The following PRRC2B variants were observed in gnomAD, a reference collection of about 807,000 sequenced individuals.
PRRC2B encodes proline rich coiled-coil 2B.
Under a neutral mutation model 242.3 loss-of-function variants are expected in PRRC2B, and 68 were observed. The ratio of observed to expected loss-of-function variants is 0.28; its 90% CI spans 0.23 to 0.34. The LOEUF (loss-of-function observed/expected upper bound fraction) is 0.34, where lower values mean the gene tolerates loss of function less well. Among genes scored for constraint, PRRC2B ranks in the 10% least tolerant of loss-of-function variants. The pLI is 1.00. For missense variants in PRRC2B, 2,835 were observed against 2,954.8 expected, an observed-to-expected ratio of 0.96 and a Z score of 0.94; for synonymous variants, 1,228 against 1,173.6, an observed-to-expected ratio of 1.05 and a Z score of -0.95.
At position 131,470,968 on chromosome 9, in the gene PRRC2B, G is replaced by A. The variant is rs200867297; in HGVS notation, c.2092G>A (p.Ala698Thr). The A allele has an allele frequency of 2.3e-5, 37 of 1,610,366 alleles. No individual in the cohort carries two copies. The highest frequency in any genetic ancestry group is 2.9e-5 in the Non-Finnish European group (34 of 1,178,102). Reference sequence around the variant, plus strand: ...GACCCCGGTGGACTTCTACCCCTCCGCCCTGCATCCCTCAGGTAAGCACTG... The same window carrying A: ...GACCCCGGTGGACTTCTACCCCTCCACCCTGCATCCCTCAGGTAAGCACTG... ...TRTPVDFYPS[A>T]LHPSGLMKPM... The change falls in exon 14 of 32, where the codon GCC (alanine) becomes ACC (threonine). Residue 698 changes from alanine (A) to threonine (T), a missense_variant. By Grantham distance (58) the Ala-to-Thr change is moderately conservative. Transcript: ENST00000683519.
In PRRC2B at chr9:131,482,363, C is replaced by A; in HGVS notation, c.4984-8C>A. 1 of 1,562,606 alleles carries A rather than the reference C, an allele frequency of 6.4e-7. No individual in the cohort carries two copies. Among genetic ancestry groups the A allele is most frequent in the Non-Finnish European group, 8.7e-7 (1 of 1,148,142 alleles). On this transcript the variant is annotated splice_region_variant and splice_polypyrimidine_tract_variant and intron_variant, in intron 20 of 31. Coordinates refer to ENST00000683519, the MANE Select transcript of PRRC2B (RefSeq NM_013318.4). The surrounding 1 kb of genome is among the most constrained non-coding windows in gnomAD (Gnocchi z 5.2). ...TTGAGGCTATAACCCATTTTGTGCT[C>A]TGCACAGCAGGGTTTTAAGAGCAGC...
At chr9:131,489,266 C>G (rs1457906797) in intron 28 of PRRC2B, among the ~76,000 whole-genome samples, 1 of 150,498 alleles carries the variant, frequency 6.6e-6, no homozygotes, top group Admixed American at 6.6e-5. Flanking sequence ...CTCACTGCAA[C>G]CTCTCTGTCT....
chr9:131,478,642 G>GGGGGGC, intron 18 of PRRC2B, 23 bp downstream of exon 18: 8 of 482,012 alleles, frequency 1.7e-5, no homozygotes, highest in East Asian at 5.2e-5. Flanking sequence ...GGGTGGGGGG[G>GGGGGGC]CATGGGGCTG....
intron 1 of PRRC2B, among the ~76,000 whole-genome samples, chr9:131,383,247 C>G (rs1836784189): frequency 6.6e-6 from 1 of 152,120 alleles, no homozygotes; most frequent in Non-Finnish European, 1.5e-5. Flanking sequence ...ACTCCACTTT[C>G]TAAACTGAAC....
chr9:131,436,837 C>A, intron 4 of PRRC2B, 115 bp downstream of exon 4: 1 of 804,970 alleles, frequency 1.2e-6, no homozygotes, highest in Admixed American at 2.4e-5. Context: ...CATGACCTGT[C>A]TATTCCAGAG....
intron 6 of PRRC2B, among the ~76,000 whole-genome samples, chr9:131,445,778 C>G (rs978292400): frequency 4.6e-5 from 7 of 152,186 alleles, no homozygotes; most frequent in African/African-American, 1.4e-4. Flanking sequence ...CATTTGATTT[C>G]TTGTTGGCCT....
At chr9:131,478,024 G>A in intron 17 of PRRC2B, 75 bp downstream of exon 17, 1 of 1,384,994 alleles carries the variant, frequency 7.2e-7, no homozygotes, top group Non-Finnish European at 1.0e-6. Flanking sequence ...GGCCTCCCGA[G>A]TTTGCCCTTG....
At chr9:131,383,581 T>G (rs1836788990) in intron 1 of PRRC2B, among the ~76,000 whole-genome samples, 1 of 149,568 alleles carries the variant, frequency 6.7e-6, no homozygotes, top group South Asian at 2.1e-4. Flanking sequence ...TTTGTTTGTT[T>G]GTTTTGGTTT....
chr9:131,466,639 G>T (rs555308621), intron 12 of PRRC2B, among the ~76,000 whole-genome samples: 143 of 150,920 alleles, frequency 9.5e-4, no homozygotes, highest in African/African-American at 3.3e-3. Context: ...TTTTTTGCTG[G>T]GGGGAGATGG....
chr9:131,402,730 G>A (rs1564274227), intron 1 of PRRC2B, among the ~76,000 whole-genome samples: 1 of 152,144 alleles, frequency 6.6e-6, no homozygotes, highest in Non-Finnish European at 1.5e-5. Context: ...CTCGAAATAA[G>A]CACCTATTGA....
intron 3 of PRRC2B, 142 bp downstream of exon 3, chr9:131,432,936 C>G (rs539491247): frequency 1.3e-6 from 1 of 786,610 alleles, no homozygotes; most frequent in Non-Finnish European, 2.0e-6. Flanking sequence ...CTGGGAGATG[C>G]AAATGAAGCT....
intron 11 of PRRC2B, among the ~76,000 whole-genome samples, chr9:131,459,851 TA>T (rs375381646): frequency 2.4e-4 from 36 of 150,038 alleles, no homozygotes; most frequent in African/African-American, 8.1e-4. Context: ...TTGTTATAGT[TA>T]AAAAAAATTA....
intron 1 of PRRC2B, among the ~76,000 whole-genome samples, chr9:131,396,021 A>G (rs1837044999): frequency 6.6e-6 from 1 of 152,210 alleles, no homozygotes; most frequent in Non-Finnish European, 1.5e-5. Flanking sequence ...GAGCCTGCGC[A>G]GCTGGATTCT....
chr9:131,484,464 C>T (rs909626828), intron 23 of PRRC2B, among the ~76,000 whole-genome samples: 7 of 152,180 alleles, frequency 4.6e-5, no homozygotes, highest in African/African-American at 1.7e-4. Context: ...TCAGTTTCAT[C>T]TGGGTGGTCT....
intron 1 of PRRC2B, among the ~76,000 whole-genome samples, chr9:131,405,298 AT>A (rs1564274951): frequency 1.3e-5 from 2 of 152,020 alleles, no homozygotes; most frequent in Non-Finnish European, 1.5e-5. Flanking sequence ...TCTAAGGTTG[AT>A]TTTCTGTATC....
chr9:131,476,913 C>T (rs554570043), intron 16 of PRRC2B, among the ~76,000 whole-genome samples: 14 of 152,304 alleles, frequency 9.2e-5, no homozygotes, highest in Admixed American at 3.9e-4. Flanking sequence ...TGCCAGGCGG[C>T]GTCCTAGGGG....
rs1055753047 is a variant in PRRC2B, at chr9:131,485,089, TCCATGCCAC to T, written c.5715_5723del (p.Pro1906_Pro1908del). 7.5e-6 allele frequency: 12 copies of T among 1,604,204 alleles called. No individual in the cohort carries two copies. The African/African-American group carries it at 1.2e-4, about 16-fold the overall frequency. On this transcript the variant is annotated inframe_deletion, in exon 25 of 32. Transcript: ENST00000683519. ...CAACTACAGCTCCTTCGGTGGAGTG[TCCATGCCAC>T]CCATGCCTGTGGCCTCTGTAGCACC...
rs972417770 is a variant in PRRC2B at position 131,479,127 on chromosome 9, C to T, written c.4759-125C>T. On this transcript the variant is annotated intron_variant, in intron 18 of 31. Transcript: ENST00000683519. The stretch of plus-strand genomic sequence containing the variant: ...TCTGCTTGAGGTTTTGGGAGACGAG[C>T]GTTCCACACATCTCTGGAGCATTTT... The T allele has an allele frequency of 6.4e-6, 6 of 943,244 alleles. No individual in the cohort carries two copies. In the East Asian group the frequency reaches 7.7e-5, roughly 12 times the overall value. 58.4% of individuals were successfully genotyped at this position (943,244 alleles called of 1,614,324 possible).
Position 131,430,119 on chromosome 9 carries a change from T to G in PRRC2B, c.-26T>G. ...ATCGGGAGCGGTGCCGAGAAAAATT[T>G]CCTTACTAGATGACATTTCATCGCA... On this transcript the variant is annotated 5_prime_UTR_variant, in exon 2 of 32. Transcript: ENST00000683519. The G allele has an allele frequency of 7.0e-7, 1 of 1,430,500 alleles. No individual in the cohort carries two copies. The highest frequency in any genetic ancestry group is 9.7e-7 in the Non-Finnish European group (1 of 1,028,860). The allele number at this position is 1,430,500 out of a possible 1,614,324, so 88.6% of individuals were successfully genotyped here. A position where few individuals can be genotyped will look rare whatever the true frequency, so the allele number is the denominator to read the frequency against.
Sources: allele counts gnomAD v4.1 joint callset (sites outside exome capture counted in the v4.1 genomes callset), GRCh38; gene constraint gnomAD v4.1.1; non-coding constraint Gnocchi (gnomAD v3.1); transcripts MANE v1.5; gene names NCBI Gene and HGNC (gene_info 2026-07-23, HGNC 2026-07-21).